The following PGM5 variants were observed in gnomAD, a reference collection of about 807,000 sequenced individuals.
PGM5 encodes phosphoglucomutase 5.
PGM5 carries 23 observed loss-of-function variants against 59.2 expected under a neutral mutation model. That is an observed-to-expected ratio of 0.39 (90% CI 0.28 to 0.55). PGM5 has a LOEUF of 0.55. Among genes scored for constraint, PGM5 ranks in the 20% least tolerant of loss-of-function variants. PGM5 has a pLI of 0.66. For missense variants in PGM5, 574 were observed against 748.3 expected, an observed-to-expected ratio of 0.77 and a Z score of 2.72; for synonymous variants, 214 against 286.0, an observed-to-expected ratio of 0.75 and a Z score of 2.54.
At chr9:68,516,555 C>T (rs1442300655) in intron 10 of PGM5, among the ~76,000 whole-genome samples, 1 of 152,202 alleles carries the variant, frequency 6.6e-6, no homozygotes, top group Admixed American at 6.5e-5. Context: ...GCAGCATCAC[C>T]ACCTGGGGTG....
At chr9:68,445,614 A>G (rs1823599180) in intron 6 of PGM5, among the ~76,000 whole-genome samples, 1 of 152,204 alleles carries the variant, frequency 6.6e-6, no homozygotes, top group African/African-American at 2.4e-5. Context: ...ACTCAAGTGT[A>G]GCCATTCAAT....
rs530587671 is a variant in PGM5, at chr9:68,357,353, A to G, written c.226A>G (p.Ile76Val). 1.5e-5 allele frequency: 23 copies of G among 1,561,784 alleles called. 1 individual carries two copies. The South Asian group carries it at 2.4e-4, about 16-fold the overall frequency. Residue 76 changes from isoleucine to valine, a missense_variant, in exon 1 of 11, where the codon ATC becomes GTC. Physicochemically the swap from Ile to Val is conservative, Grantham distance 29. Around this residue, in one of 7 missense-constraint regions of PGM5, gnomAD observed 61 missense variants for 133.3 expected, o/e 0.46. Coordinates refer to ENST00000396396, the MANE Select transcript of PGM5 (RefSeq NM_021965.4). ...SDGRYFSRTAIEIVVQMAAAN... is the reference protein window; with the variant it reads ...SDGRYFSRTAVEIVVQMAAAN... ...CGGCAGGTACTTTAGCAGGACGGCC[A>G]TCGAGATCGTGGTGCAGATGGCCGC...
chr9:68,379,458 T>C (rs1822009906), intron 2 of PGM5, among the ~76,000 whole-genome samples: 1 of 152,156 alleles, frequency 6.6e-6, no homozygotes, highest in Non-Finnish European at 1.5e-5. Context: ...GTTGAATATT[T>C]AAAAAACAAT....
intron 9 of PGM5, among the ~76,000 whole-genome samples, chr9:68,485,367 C>T (rs543224964): frequency 1.4e-4 from 21 of 152,260 alleles, no homozygotes; most frequent in African/African-American, 5.1e-4. Flanking sequence ...CTGTAGCTCC[C>T]ATAATCCCCA....
intron 1 of PGM5, among the ~76,000 whole-genome samples, chr9:68,376,591 C>T (rs1279640091): frequency 3.3e-5 from 5 of 151,372 alleles, no homozygotes; most frequent in African/African-American, 9.7e-5. Context: ...AGTGACGGAC[C>T]TCTAGCAATG....
At chr9:68,473,252 G>A (rs1554686397) in intron 7 of PGM5, among the ~76,000 whole-genome samples, 4 of 152,152 alleles carry the variant, frequency 2.6e-5, no homozygotes, top group Non-Finnish European at 5.9e-5. Context: ...TGAGAAGGCT[G>A]CAAATTAATG....
intron 1 of PGM5, among the ~76,000 whole-genome samples, chr9:68,376,205 C>T (rs1352323645): frequency 1.3e-5 from 2 of 152,178 alleles, no homozygotes; most frequent in Non-Finnish European, 2.9e-5. Context: ...AATCAGGTCA[C>T]TTCCACTGTT....
At chr9:68,522,296 G>T (rs755116044) in intron 10 of PGM5, among the ~76,000 whole-genome samples, 1 of 152,166 alleles carries the variant, frequency 6.6e-6, no homozygotes, top group Non-Finnish European at 1.5e-5. Flanking sequence ...GCAGACTCAC[G>T]CAAGCTCCGG....
chr9:68,523,085 G>T lies in PGM5; in HGVS notation c.1615-6482G>T, dbSNP rs7045094. On this transcript the variant is annotated intron_variant, in intron 10 of 10. Transcript: ENST00000396396. ...ATCCCCGAGGCAAATAATCTGCTAG[G>T]CTAGGTGAAGTTTTTGCCCCAGGCT... Among the ~76,000 whole-genome samples, 739 of 152,266 alleles carry T rather than the reference G, an allele frequency of 4.9e-3. 1 individual carries two copies. The highest frequency in any genetic ancestry group is 0.017 in the African/African-American group (722 of 41,536).
intron 6 of PGM5, among the ~76,000 whole-genome samples, chr9:68,449,649 G>A (rs781840518): frequency 7.2e-5 from 11 of 152,166 alleles, no homozygotes; most frequent in African/African-American, 2.7e-4. Context: ...CTATGAGCAC[G>A]TGAAGGCTTG....
chr9:68,428,917 C>T (rs1033868833), intron 6 of PGM5: 9 of 152,182 alleles, frequency 5.9e-5, no homozygotes, highest in African/African-American at 2.2e-4. Context: ...GAGGTGATAT[C>T]AATTATGCAG....
intron 6 of PGM5, 29 bp from the exon 7 acceptor site, chr9:68,465,064 A>G: frequency 7.2e-7 from 1 of 1,397,032 alleles, no homozygotes. Context: ...AAATATATGA[A>G]TTGACTTTTC....
chr9:68,482,823 C>T (rs1037079146), intron 8 of PGM5, among the ~76,000 whole-genome samples: 18 of 152,258 alleles, frequency 1.2e-4, no homozygotes, highest in African/African-American at 4.3e-4. Context: ...AGCACAAGTG[C>T]CTGGCACTGT....
chr9:68,387,521 T>C lies in PGM5; in HGVS notation c.630T>C (p.Phe210=), dbSNP rs1822255168. The change falls in exon 4 of 11, where the codon TTT becomes TTC. Residue 210 remains phenylalanine (F), a synonymous_variant. Transcript: ENST00000396396. ...ACCTCCTTCGGACCATCTTTGACTT[T>C]CATGCCATCAAGGGTTTGCTGACTG... ...YLNLLRTIFD[F]HAIKGLLTGP... is the part of the protein sequence containing the mutation. The C allele has an allele frequency of 1.2e-6, 2 of 1,612,020 alleles. No individual in the cohort carries two copies. The highest frequency in any genetic ancestry group is 1.7e-5 in the Admixed American group (1 of 59,926).
intron 6 of PGM5, chr9:68,394,536 A>G (rs1822449543): frequency 6.6e-6 from 1 of 152,022 alleles, no homozygotes; most frequent in African/African-American, 2.4e-5. Flanking sequence ...GAGATACTAC[A>G]TTGGGCAAAC....
chr9:68,387,547 G>A lies in PGM5; in HGVS notation c.656G>A (p.Gly219Glu). The change falls in exon 4 of 11, where the codon GGA becomes GAA. Residue 219 changes from glycine (G) to glutamate (E), a missense_variant. By Grantham distance (98) the Gly-to-Glu change is moderately conservative. Around this residue, in one of 7 missense-constraint regions of PGM5, gnomAD observed 103 missense variants for 112.4 expected, o/e 0.92. Transcript: ENST00000396396. ...DFHAIKGLLT[G>E]PSQLKIRIDA... is the part of the protein sequence containing the mutation. ...CATGCCATCAAGGGTTTGCTGACTGGACCCAGCCAACTGAAGATTCGCATT... is the reference window on the plus strand; with the variant it reads ...CATGCCATCAAGGGTTTGCTGACTGAACCCAGCCAACTGAAGATTCGCATT... The A allele has an allele frequency of 6.2e-7, 1 of 1,612,144 alleles. No homozygotes were observed. The highest frequency in any genetic ancestry group is 8.5e-7 in the Non-Finnish European group (1 of 1,178,634).
At chr9:68,430,944 A>G (rs181630400) in intron 6 of PGM5, among the ~76,000 whole-genome samples, 2 of 152,276 alleles carry the variant, frequency 1.3e-5, no homozygotes, top group Admixed American at 1.3e-4. Flanking sequence ...CTTAGCAACC[A>G]ATTTTGTGCC....
chr9:68,412,930 T>C (rs1659591164), intron 6 of PGM5, among the ~76,000 whole-genome samples: 1 of 152,184 alleles, frequency 6.6e-6, no homozygotes, highest in African/African-American at 2.4e-5. Context: ...AGGATGCTGA[T>C]GTGTTCTTTG....
chr9:68,486,706 C>G (rs1190309059), intron 9 of PGM5, among the ~76,000 whole-genome samples: 1 of 152,186 alleles, frequency 6.6e-6, no homozygotes, highest in African/African-American at 2.4e-5. Context: ...GGTATTTCCA[C>G]TTTTTGACTA....
Sources: allele counts gnomAD v4.1 joint callset (sites outside exome capture counted in the v4.1 genomes callset), GRCh38; gene constraint gnomAD v4.1.1; regional missense constraint gnomAD v4.1.1; transcripts MANE v1.5; gene names NCBI Gene and HGNC (gene_info 2026-07-23, HGNC 2026-07-21).